The following DAB1 variants were observed in gnomAD, a reference collection of about 807,000 sequenced individuals.
The protein encoded by DAB1 is DAB adaptor protein 1.
Under a neutral mutation model 64.6 loss-of-function variants are expected in DAB1, and 15 were observed. The observed-to-expected ratio is 0.23, with a 90% CI of 0.16 to 0.36. DAB1 has a LOEUF of 0.36. DAB1 is among the 10% of genes least tolerant of loss of function. DAB1 has a pLI of 1.00. For synonymous variants in DAB1, 235 were observed against 251.9 expected, an observed-to-expected ratio of 0.93 and a Z score of 0.64; for missense variants, 596 against 706.7, an observed-to-expected ratio of 0.84 and a Z score of 1.78.
At chr1:58,114,517 G>T (rs1375578899) in intron 5 of DAB1, among the ~76,000 whole-genome samples, 1 of 152,212 alleles carries the variant, frequency 6.6e-6, no homozygotes, top group Non-Finnish European at 1.5e-5. Context: ...TACAACAGGG[G>T]TCATCAAACT....
chr1:57,481,766 G>C (rs1024180175), intron 7 of DAB1, among the ~76,000 whole-genome samples: 2 of 150,726 alleles, frequency 1.3e-5, no homozygotes, highest in African/African-American at 4.9e-5. Context: ...GCAGTGAGCT[G>C]AGATCACACC....
At chr1:57,565,125 T>C (rs532829238) in intron 7 of DAB1, among the ~76,000 whole-genome samples, 231 of 152,298 alleles carry the variant, frequency 1.5e-3, no homozygotes, top group African/African-American at 5.2e-3. Context: ...TATTCAACAT[T>C]CTTAAAGAAA....
chr1:58,300,602 A>G (rs147690926), intron 4 of DAB1, among the ~76,000 whole-genome samples: 31 of 39,288 alleles, frequency 7.9e-4, no homozygotes, highest in African/African-American at 1.8e-3. Context: ...GAAAGAAAGA[A>G]AGAAAGAAAG....
In DAB1 at chr1:57,620,817, C is replaced by T. The variant is rs371379919; in HGVS notation, n.625+28775G>A. Among the ~76,000 whole-genome samples, 23 of 152,290 alleles carry T rather than the reference C, an allele frequency of 1.5e-4. No homozygotes were observed. In the East Asian group the frequency reaches 2.3e-3, roughly 15 times the overall value. Reference sequence around the variant, plus strand: ...TCTGGGTCTGGAAGCAGGGGGGCAGCGCGGCAGACACACCTACTGCCCTAA... The same window carrying T: ...TCTGGGTCTGGAAGCAGGGGGGCAGTGCGGCAGACACACCTACTGCCCTAA... On this transcript the variant is annotated intron_variant and non_coding_transcript_variant, in intron 7 of 20. Coordinates refer to the DAB1 transcript ENST00000485760.
intron 1 of DAB1, among the ~76,000 whole-genome samples, chr1:57,381,739 C>A (rs1681395161): frequency 6.6e-6 from 1 of 152,210 alleles, no homozygotes; most frequent in Non-Finnish European, 1.5e-5. Context: ...TCTGTACAAT[C>A]AATTCTCTAA....
chr1:58,045,345 T>C (rs760350630), intron 5 of DAB1, among the ~76,000 whole-genome samples: 2 of 152,180 alleles, frequency 1.3e-5, no homozygotes, highest in Non-Finnish European at 2.9e-5. Flanking sequence ...GCTAATGGAC[T>C]GCTGGTCCAG....
rs371930906 is a variant in DAB1, at chr1:57,145,276, C to T, written c.207+14G>A. The T allele has an allele frequency of 3.4e-5, 55 of 1,613,336 alleles. No individual in the cohort carries two copies. The African/African-American group carries it at 5.6e-4, about 16-fold the overall frequency. On this transcript the variant is annotated intron_variant, in intron 3 of 14. Transcript: ENST00000371236. Reference sequence around the variant, plus strand: ...TAAACACAAAGTATTGAAAAGAAAACGTTTGCATAGCACCTTGAGTTTCAT... The same window carrying T: ...TAAACACAAAGTATTGAAAAGAAAATGTTTGCATAGCACCTTGAGTTTCAT...
chr1:57,474,402 T>C (rs947518163), intron 7 of DAB1, among the ~76,000 whole-genome samples: 17 of 152,178 alleles, frequency 1.1e-4, no homozygotes, highest in African/African-American at 4.1e-4. Flanking sequence ...CCCATTTATG[T>C]CTGAAAAATA....
In DAB1 at chr1:58,015,266, C is replaced by T. The variant is rs150381585; in HGVS notation, n.388-131104G>A. Among the ~76,000 whole-genome samples the T allele has an allele frequency of 8.4e-3, 1,283 of 152,268 alleles. 10 individuals are homozygous for T. The highest frequency in any genetic ancestry group is 0.041 in the Middle Eastern group (12 of 294). Reference sequence around the variant, plus strand: ...CTGCATCCCATCTGGCCTTAGGCATCCCTCATGGTTTACATCTCCTGAACC... The same window carrying T: ...CTGCATCCCATCTGGCCTTAGGCATTCCTCATGGTTTACATCTCCTGAACC... On this transcript the variant is annotated intron_variant and non_coding_transcript_variant, in intron 5 of 20. Coordinates refer to the DAB1 transcript ENST00000485760.
intron 2 of DAB1, among the ~76,000 whole-genome samples, chr1:57,211,810 T>G (rs569967431): frequency 1.3e-5 from 2 of 152,300 alleles, no homozygotes; most frequent in Admixed American, 1.3e-4. Context: ...CAACTATTTA[T>G]AAAGCCTTTA....
intron 7 of DAB1, among the ~76,000 whole-genome samples, chr1:57,471,173 A>T (rs890485120): frequency 1.2e-4 from 19 of 152,186 alleles, no homozygotes; most frequent in African/African-American, 4.3e-4. Flanking sequence ...TGACGAACCA[A>T]ATTCTAAACA....
At chr1:57,330,606 A>C (rs1475089608) in intron 1 of DAB1, among the ~76,000 whole-genome samples, 2 of 152,150 alleles carry the variant, frequency 1.3e-5, no homozygotes, top group African/African-American at 4.8e-5. Flanking sequence ...AAAATTTAGG[A>C]TTCTTGCATT....
chr1:58,442,728 T>C (rs568030559), intron 3 of DAB1, among the ~76,000 whole-genome samples: 1 of 152,168 alleles, frequency 6.6e-6, no homozygotes, highest in Admixed American at 6.5e-5. Context: ...AATTTTAAAA[T>C]GGGAATATGG....
chr1:58,239,903 A>G (rs933955411), intron 4 of DAB1, among the ~76,000 whole-genome samples: 17 of 152,316 alleles, frequency 1.1e-4, no homozygotes, highest in Non-Finnish European at 2.2e-4. Context: ...CCGGAGCCGC[A>G]AGTCATTATC....
intron 3 of DAB1, among the ~76,000 whole-genome samples, chr1:58,419,815 C>G (rs1436183645): frequency 6.6e-6 from 1 of 152,220 alleles, no homozygotes; most frequent in Non-Finnish European, 1.5e-5. Context: ...TGCACCACAG[C>G]TCCAGATCTT....
At chr1:58,451,570 T>C (rs373919411) in intron 3 of DAB1, among the ~76,000 whole-genome samples, 84 of 152,326 alleles carry the variant, frequency 5.5e-4, no homozygotes, top group African/African-American at 1.8e-3. Flanking sequence ...GATGTGAACA[T>C]CAGGGGAAAA....
chr1:56,995,864 A>G lies in DAB1; in HGVS notation c.*2280T>C, dbSNP rs1256924790. The stretch of plus-strand genomic sequence containing the variant: ...TTCCACCTTTCCCATCTTCCCGTTC[A>G]TGTGAAAGGGTTACCTAATCATAAA... On this transcript the variant is annotated 3_prime_UTR_variant, in exon 15 of 15. Coordinates refer to ENST00000371236, the MANE Select transcript of DAB1 (RefSeq NM_001365792.1). The G allele has an allele frequency of 6.6e-6, 1 of 152,206 alleles. No homozygotes were observed. The highest frequency in any genetic ancestry group is 1.5e-5 in the Non-Finnish European group (1 of 68,038). 9.4% of individuals were successfully genotyped at this position (152,206 alleles called of 1,614,324 possible). A position where few individuals can be genotyped will look rare whatever the true frequency, so the allele number is the denominator to read the frequency against.
At chr1:57,299,509 G>A (rs1673458615) in intron 1 of DAB1, among the ~76,000 whole-genome samples, 2 of 152,056 alleles carry the variant, frequency 1.3e-5, no homozygotes, top group Non-Finnish European at 2.9e-5. Flanking sequence ...ACAGCAACAT[G>A]GCATACTCAG....
chr1:57,186,648 TG>T (rs1480846109), intron 2 of DAB1, among the ~76,000 whole-genome samples: 10 of 152,212 alleles, frequency 6.6e-5, no homozygotes, highest in Admixed American at 3.9e-4. Flanking sequence ...AAACCTGAAA[TG>T]CACGCGTCAG....
Sources: allele counts gnomAD v4.1 joint callset (sites outside exome capture counted in the v4.1 genomes callset), GRCh38; gene constraint gnomAD v4.1.1; transcripts MANE v1.5; gene names NCBI Gene and HGNC (gene_info 2026-07-23, HGNC 2026-07-21).